MINDY2: variants seen among roughly 807,000 people sequenced by gnomAD.
MINDY2 encodes the protein MINDY lysine 48 deubiquitinase 2.
MINDY2 carries 52 observed loss-of-function variants against 68.2 expected under a neutral mutation model. The ratio of observed to expected loss-of-function variants is 0.76; its 90% CI spans 0.61 to 0.96. The LOEUF (loss-of-function observed/expected upper bound fraction) is 0.96. Among genes scored for constraint, MINDY2 ranks in the 40% least tolerant of loss-of-function variants. MINDY2 has a pLI of 0.00. For missense variants in MINDY2, 881 were observed against 773.4 expected (o/e 1.14, Z -1.65); for synonymous variants, 372 against 303.0 (o/e 1.23, Z -2.36).
At chr15:58,790,828 C>T (rs1266006541) in intron 2 of MINDY2, among the ~76,000 whole-genome samples, 4 of 151,970 alleles carry the variant, frequency 2.6e-5, no homozygotes, top group Non-Finnish European at 5.9e-5. Context: ...AAAAATGGAG[C>T]AAGGCTTTTA....
chr15:58,827,683 A>T (rs1336881644), intron 5 of MINDY2, among the ~76,000 whole-genome samples: 1 of 151,716 alleles, frequency 6.6e-6, no homozygotes, highest in Non-Finnish European at 1.5e-5. Context: ...CGATCTCCTG[A>T]CCTCGTGATT....
At chr15:58,807,554 G>C (rs1258634332) in intron 3 of MINDY2, among the ~76,000 whole-genome samples, 1 of 151,828 alleles carries the variant, frequency 6.6e-6, no homozygotes, top group Admixed American at 6.6e-5. Flanking sequence ...TAGTAGAGAC[G>C]GGGTTTCACC....
At chr15:58,783,019 A>G (rs1901261191) in intron 1 of MINDY2, among the ~76,000 whole-genome samples, 1 of 132,164 alleles carries the variant, frequency 7.6e-6, no homozygotes, top group Non-Finnish European at 1.5e-5. Flanking sequence ...TTCTGGGCCC[A>G]AGTGATTGTC....
rs574940770 is a variant in MINDY2, at chr15:58,794,470, A to G, written c.898+6507A>G. 1.1e-4 allele frequency among the ~76,000 whole-genome samples: 17 copies of G among 152,066 alleles called. No homozygotes were observed. In the South Asian group the frequency reaches 2.3e-3, roughly 20 times the overall value. On this transcript the variant is annotated intron_variant, in intron 2 of 8. Transcript: ENST00000559228. The stretch of plus-strand genomic sequence containing the variant: ...GCAGGGTATTGGAAGAGACATCTCC[A>G]TACATATTGAAATTACCAAAAATTA...
chr15:58,828,463 A>G (rs1259926231), intron 5 of MINDY2, among the ~76,000 whole-genome samples: 7 of 151,736 alleles, frequency 4.6e-5, no homozygotes, highest in Admixed American at 4.6e-4. Context: ...TTGACTAATT[A>G]TAGTACCTCT....
intron 8 of MINDY2, 133 bp downstream of exon 8, chr15:58,852,098 C>G: frequency 1.7e-6 from 1 of 577,990 alleles, no homozygotes; most frequent in Non-Finnish European, 2.9e-6. Flanking sequence ...ACCAGCCTGG[C>G]CAACATGGCA....
rs1469736790 is a variant in MINDY2, at chr15:58,859,873, C to T, written c.*5263C>T. The T allele has an allele frequency of 2.6e-5, 4 of 152,016 alleles. No homozygotes were observed. The highest frequency in any genetic ancestry group is 9.7e-5 in the African/African-American group (4 of 41,388). The allele number at this position is 152,016 out of a possible 1,614,324, so 9.4% of individuals were successfully genotyped here. Reference sequence around the variant, plus strand: ...TCTCAAGAAAATTAAACTTGAAAAACGGGGTAAAATTCTTCAACTATTGCC... The same window carrying T: ...TCTCAAGAAAATTAAACTTGAAAAATGGGGTAAAATTCTTCAACTATTGCC... On this transcript the variant is annotated 3_prime_UTR_variant, in exon 9 of 9. Coordinates refer to ENST00000559228, the MANE Select transcript of MINDY2 (RefSeq NM_001040450.3).
intron 4 of MINDY2, among the ~76,000 whole-genome samples, chr15:58,815,092 A>C (rs1400519751): frequency 6.6e-6 from 1 of 152,138 alleles, no homozygotes; most frequent in Non-Finnish European, 1.5e-5. Context: ...TACATTTATG[A>C]ATATGGTCAA....
chr15:58,859,844 C>T lies in MINDY2; in HGVS notation c.*5234C>T, dbSNP rs1337163534. 1 of 152,096 alleles carries T rather than the reference C, an allele frequency of 6.6e-6. No individual in the cohort carries two copies. Among genetic ancestry groups the T allele is most frequent in the South Asian group, 2.1e-4 (1 of 4,834 alleles). The allele number at this position is 152,096 out of a possible 1,614,324, so 9.4% of individuals were successfully genotyped here. On this transcript the variant is annotated 3_prime_UTR_variant, in exon 9 of 9. Coordinates refer to ENST00000559228, the MANE Select transcript of MINDY2 (RefSeq NM_001040450.3). ...GATTCTACTTTCTAATTTTACTTTT[C>T]TGATCTCAAGAAAATTAAACTTGAA...
rs770707266 is a variant in MINDY2 at position 58,772,022 on chromosome 15, G to C, written c.627G>C (p.Ala209=). ...TCCCTGAGGAGGAGGAGGGCGCGGC[G>C]GTGTTGCCCGGGGCTGTTCCTCTGT... ...NRVPEEEEGA[A]VLPGAVPLCK... Residue 209 remains alanine (A), a synonymous_variant, in exon 1 of 9, where the codon GCG becomes GCC. Coordinates refer to ENST00000559228, the MANE Select transcript of MINDY2 (RefSeq NM_001040450.3). 2 of 1,598,210 alleles carry C rather than the reference G, an allele frequency of 1.3e-6. No homozygotes were observed. The highest frequency in any genetic ancestry group is 2.3e-5 in the South Asian group (2 of 88,562).
chr15:58,774,386 A>G (rs1900640237), intron 1 of MINDY2, among the ~76,000 whole-genome samples: 1 of 150,662 alleles, frequency 6.6e-6, no homozygotes, highest in Non-Finnish European at 1.5e-5. Context: ...TGGGAGGTTG[A>G]GGCAGGAGAA....
intron 1 of MINDY2, among the ~76,000 whole-genome samples, chr15:58,783,642 T>C: frequency 6.6e-6 from 1 of 152,184 alleles, no homozygotes; most frequent in East Asian, 1.9e-4. Flanking sequence ...TGATTAAGAA[T>C]TACAGAATGG....
intron 4 of MINDY2, among the ~76,000 whole-genome samples, chr15:58,811,391 A>G (rs1424376081): frequency 6.6e-6 from 1 of 152,344 alleles, no homozygotes; most frequent in Non-Finnish European, 1.5e-5. Flanking sequence ...TAGACGACAC[A>G]CTGAAGGATA....
chr15:58,835,381 G>A (rs1244622566), intron 6 of MINDY2, among the ~76,000 whole-genome samples: 4 of 152,112 alleles, frequency 2.6e-5, no homozygotes, highest in South Asian at 2.1e-4. Flanking sequence ...GGCTGGGTGC[G>A]GTGTCTCACG....
chr15:58,798,893 G>A (rs976385280), intron 2 of MINDY2, among the ~76,000 whole-genome samples: 2 of 152,170 alleles, frequency 1.3e-5, no homozygotes, highest in African/African-American at 4.8e-5. Context: ...GTAATAAAAA[G>A]TTAACACATC....
intron 1 of MINDY2, among the ~76,000 whole-genome samples, chr15:58,777,994 G>T (rs573513576): frequency 6.6e-6 from 1 of 152,004 alleles, no homozygotes; most frequent in African/African-American, 2.4e-5. Context: ...CTATTTATAG[G>T]TTTATTTGAG....
In MINDY2 at chr15:58,858,274, T is replaced by G. The variant is rs1295830528; in HGVS notation, c.*3664T>G. On this transcript the variant is annotated 3_prime_UTR_variant, in exon 9 of 9. Transcript: ENST00000559228. ...ATATCTTGTTTTTATTGTCTCACATTTCTGATATTGACTACTTATCCCATA... is the reference window on the plus strand; with the variant it reads ...ATATCTTGTTTTTATTGTCTCACATGTCTGATATTGACTACTTATCCCATA... 2 of 152,158 alleles carry G rather than the reference T, an allele frequency of 1.3e-5. No individual in the cohort carries two copies. The highest frequency in any genetic ancestry group is 4.8e-5 in the African/African-American group (2 of 41,456). 9.4% of individuals were successfully genotyped at this position (152,158 alleles called of 1,614,324 possible). A position where few individuals can be genotyped will look rare whatever the true frequency, so the allele number is the denominator to read the frequency against.
chr15:58,826,539 T>C (rs2031409861), intron 5 of MINDY2, among the ~76,000 whole-genome samples: 1 of 152,168 alleles, frequency 6.6e-6, no homozygotes. Context: ...CCACACACTC[T>C]TTTTCCCTAA....
intron 1 of MINDY2, among the ~76,000 whole-genome samples, chr15:58,776,801 C>T (rs1270885432): frequency 6.6e-6 from 1 of 151,940 alleles, no homozygotes; most frequent in African/African-American, 2.4e-5. Flanking sequence ...ACAGGAGGAT[C>T]GCTTGAGCCC....
Sources: gnomAD v4.1 joint callset for allele counts (sites outside exome capture counted in the v4.1 genomes callset) on GRCh38, gnomAD v4.1.1 for gene constraint, MANE v1.5 for transcripts, NCBI Gene and HGNC (gene_info 2026-07-23, HGNC 2026-07-21) for gene names.